The following EXOC4 variants were observed in gnomAD, a reference collection of about 807,000 sequenced individuals.
The protein encoded by EXOC4 is SEC8-like 1.
Under a neutral mutation model 107.2 loss-of-function variants are expected in EXOC4, and 71 were observed. That is an observed-to-expected ratio of 0.66 (90% CI 0.55 to 0.81). EXOC4 has a LOEUF of 0.81. EXOC4 is among the 30% of genes least tolerant of loss of function. The pLI is 0.00. For missense variants in EXOC4, 1,108 were observed against 1,189.6 expected, an observed-to-expected ratio of 0.93 and a Z score of 1.01; for synonymous variants, 456 against 441.2, an observed-to-expected ratio of 1.03 and a Z score of -0.42.
At chr7:133,995,284 A>C (rs1794363000) in intron 14 of EXOC4, among the ~76,000 whole-genome samples, 1 of 152,228 alleles carries the variant, frequency 6.6e-6, no homozygotes, top group Non-Finnish European at 1.5e-5. Flanking sequence ...GGATTTGTCC[A>C]GAATGCCTTT....
intron 17 of EXOC4, among the ~76,000 whole-genome samples, chr7:134,041,020 C>G (rs2116527260): frequency 6.6e-6 from 1 of 152,218 alleles, no homozygotes; most frequent in Admixed American, 6.5e-5. Context: ...ATTTTCCTTC[C>G]CCTCCCCAAA....
intron 10 of EXOC4, among the ~76,000 whole-genome samples, chr7:133,710,639 G>A (rs543464316): frequency 8.1e-4 from 113 of 139,298 alleles, no homozygotes; most frequent in Non-Finnish European, 1.4e-3. Flanking sequence ...CAGCCTGGGC[G>A]ACAGAGTGAG....
rs1199685990 is a variant in EXOC4 at position 133,288,998 on chromosome 7, G to A, written c.353G>A (p.Gly118Glu). The change falls in exon 3 of 18, where the codon GGA becomes GAA. Residue 118 changes from glycine to glutamate, a missense_variant. Physicochemically the swap from Gly to Glu is moderately conservative, Grantham distance 98. Transcript: ENST00000253861. ...GAGCTTCGGAAACTGTGGATTGAAG[G>A]AATTGAGCATAAGCATGTCCTGAAC... The part of the protein sequence containing the change: ...RDELRKLWIE[G>E]IEHKHVLNLL... 6.2e-7 allele frequency: 1 copy of A among 1,614,190 alleles called. No homozygotes were observed. The highest frequency in any genetic ancestry group is 8.5e-7 in the Non-Finnish European group (1 of 1,180,002).
intron 10 of EXOC4, among the ~76,000 whole-genome samples, chr7:133,669,911 T>A (rs2151056358): frequency 6.6e-6 from 1 of 152,338 alleles, no homozygotes; most frequent in Admixed American, 6.5e-5. Flanking sequence ...AGTTATTTTC[T>A]TTACCTAATC....
chr7:133,757,831 C>CTA (rs1795950742), intron 10 of EXOC4, among the ~76,000 whole-genome samples: 1 of 152,174 alleles, frequency 6.6e-6, no homozygotes, highest in Non-Finnish European at 1.5e-5. Context: ...AGTTACCTTA[C>CTA]TATTATTATC....
At chr7:133,493,568 T>G (rs188823749) in intron 9 of EXOC4, among the ~76,000 whole-genome samples, 75 of 152,338 alleles carry the variant, frequency 4.9e-4, no homozygotes, top group Middle Eastern at 3.4e-3. Flanking sequence ...AGTAAATGTT[T>G]TTTTAAATTA....
intron 7 of EXOC4, among the ~76,000 whole-genome samples, chr7:133,457,629 A>C (rs1272007244): frequency 6.6e-6 from 1 of 152,202 alleles, no homozygotes; most frequent in African/African-American, 2.4e-5. Flanking sequence ...TTCTCCTTAG[A>C]GTTGGTGTAT....
At position 133,457,177 on chromosome 7, in the gene EXOC4, A is replaced by G. The variant is rs191200573; in HGVS notation, c.1183-18151A>G. On this transcript the variant is annotated intron_variant, in intron 7 of 17. Transcript: ENST00000253861. ...TGGCTTTTCAGAATAGTAGGACTCA[A>G]TGAATAAAGGCACAGATGTTGGAAT... Among the ~76,000 whole-genome samples, 174 of 152,306 alleles carry G rather than the reference A, an allele frequency of 1.1e-3. 1 individual carries two copies. The highest frequency in any genetic ancestry group is 4.0e-3 in the African/African-American group (165 of 41,566).
At chr7:133,702,429 C>T (rs1055741456) in intron 10 of EXOC4, among the ~76,000 whole-genome samples, 1 of 100,400 alleles carries the variant, frequency 1.0e-5, no homozygotes, top group Non-Finnish European at 2.1e-5. Context: ...ACCTTGAAAT[C>T]ATGGGCTCAA....
chr7:133,795,972 C>T (rs940695536), intron 10 of EXOC4, among the ~76,000 whole-genome samples: 68 of 152,270 alleles, frequency 4.5e-4, no homozygotes, highest in Admixed American at 2.2e-3. Flanking sequence ...AAAAATTGAT[C>T]ACTATGGTAG....
intron 11 of EXOC4, among the ~76,000 whole-genome samples, chr7:133,823,540 C>T (rs1014423585): frequency 2.0e-5 from 3 of 151,896 alleles, no homozygotes; most frequent in Admixed American, 1.3e-4. Flanking sequence ...GAAGGCTGGG[C>T]ATGGTGGCTC....
At chr7:133,406,996 A>C (rs1018346032) in intron 7 of EXOC4, among the ~76,000 whole-genome samples, 6 of 152,200 alleles carry the variant, frequency 3.9e-5, no homozygotes, top group Admixed American at 3.9e-4. Context: ...TTTCCTTGAC[A>C]GAACTTCAGT....
intron 10 of EXOC4, among the ~76,000 whole-genome samples, chr7:133,758,436 G>A (rs1795963647): frequency 6.6e-6 from 1 of 152,190 alleles, no homozygotes; most frequent in Admixed American, 6.5e-5. Flanking sequence ...ACCGTGCCCG[G>A]CCCATAGTTT....
intron 11 of EXOC4, among the ~76,000 whole-genome samples, chr7:133,874,756 T>G (rs1798815533): frequency 6.6e-6 from 1 of 152,234 alleles, no homozygotes; most frequent in African/African-American, 2.4e-5. Context: ...CTAACCAGAC[T>G]TCCTCCTCTG....
chr7:133,363,097 T>C (rs1796169659), intron 6 of EXOC4, among the ~76,000 whole-genome samples: 1 of 152,228 alleles, frequency 6.6e-6, no homozygotes, highest in African/African-American at 2.4e-5. Context: ...TCAGTGATTA[T>C]GATTCCATTT....
At chr7:134,085,109 T>A in the EXOC4 span, among the ~76,000 whole-genome samples, 7 of 152,300 alleles carry the variant, frequency 4.6e-5, no homozygotes, top group African/African-American at 1.4e-4. Context: ...AAATTAGGTT[T>A]TTAATCTTGT....
chr7:133,430,642 TG>T (rs1797835742), intron 7 of EXOC4, among the ~76,000 whole-genome samples: 1 of 152,228 alleles, frequency 6.6e-6, no homozygotes, highest in African/African-American at 2.4e-5. Context: ...ATGGAATTGT[TG>T]GATCATATAG....
intron 7 of EXOC4, among the ~76,000 whole-genome samples, chr7:133,417,084 A>G (rs1173098946): frequency 2.0e-5 from 3 of 152,228 alleles, no homozygotes; most frequent in East Asian, 3.8e-4. Flanking sequence ...GAAGCTGGGA[A>G]TGAAGAATAG....
intron 10 of EXOC4, 79 bp from the exon 11 acceptor site, chr7:133,817,246 A>T: frequency 2.1e-6 from 2 of 950,792 alleles, no homozygotes; most frequent in Non-Finnish European, 3.3e-6. Context: ...CCAACACTAG[A>T]TATACTCATG....
Sources: gnomAD v4.1 joint callset for allele counts (sites outside exome capture counted in the v4.1 genomes callset) on GRCh38, gnomAD v4.1.1 for gene constraint, MANE v1.5 for transcripts, NCBI Gene and HGNC (gene_info 2026-07-23, HGNC 2026-07-21) for gene names.